ARMC8: variants seen among roughly 807,000 people sequenced by gnomAD.
ARMC8 encodes the protein armadillo repeat-containing protein 8.
A neutral mutation model predicts 99.3 loss-of-function variants in ARMC8; 20 were observed. That is an observed-to-expected ratio of 0.20 (90% CI 0.14 to 0.29). ARMC8 has a LOEUF of 0.29. ARMC8 is among the 10% of genes least tolerant of loss of function. The probability of loss-of-function intolerance (pLI) is 1.00; values close to 1 mark genes in which losing one functional copy is unlikely to be tolerated. For synonymous variants in ARMC8, 263 were observed against 278.3 expected, an observed-to-expected ratio of 0.95 and a Z score of 0.55; for missense variants, 569 against 809.5, an observed-to-expected ratio of 0.70 and a Z score of 3.60.
chr3:138,198,841 T>C lies in ARMC8; in HGVS notation c.46-10976T>C, dbSNP rs188479161. Among the ~76,000 whole-genome samples, 9 of 152,270 alleles carry C rather than the reference T, an allele frequency of 5.9e-5. No homozygotes were observed. In the East Asian group the frequency reaches 1.2e-3, roughly 20 times the overall value. Reference sequence around the variant, plus strand: ...AGCCTTATATTTTAGAGTTTTTTTTTCAAATTTGATAAGCACTGATTAATT... The same window carrying C: ...AGCCTTATATTTTAGAGTTTTTTTTCCAAATTTGATAAGCACTGATTAATT... On this transcript the variant is annotated intron_variant, in intron 1 of 21. Transcript: ENST00000469044.
At chr3:138,267,104 C>A in intron 14 of ARMC8, 51 bp from the exon 15 acceptor site, 1 of 918,928 alleles carries the variant, frequency 1.1e-6, no homozygotes, top group Non-Finnish European at 1.6e-6. Context: ...CATTTTATAT[C>A]TCATCTTCAT....
At chr3:138,254,501 CAGG>C (rs2047285460) in intron 12 of ARMC8, among the ~76,000 whole-genome samples, 1 of 152,100 alleles carries the variant, frequency 6.6e-6, no homozygotes, top group African/African-American at 2.4e-5. Flanking sequence ...GGATGGCAAA[CAGG>C]AGGAGACAGA....
At position 138,223,127 on chromosome 3, in the gene ARMC8, A is replaced by G. The variant is rs115902686; in HGVS notation, c.195-262A>G. ...CATGGACTCTGATGACGCTGTTTCT[A>G]CAGAGACTATCTGTGGACAACTTTC... On this transcript the variant is annotated intron_variant, in intron 3 of 21. Transcript: ENST00000469044. 7.2e-3 allele frequency among the ~76,000 whole-genome samples: 1,101 copies of G among 152,324 alleles called. 13 individuals carry two copies. The highest frequency in any genetic ancestry group is 0.025 in the African/African-American group (1,029 of 41,566).
intron 2 of ARMC8, among the ~76,000 whole-genome samples, chr3:138,216,637 A>G (rs1301113235): frequency 3.3e-5 from 5 of 152,360 alleles, no homozygotes; most frequent in Middle Eastern, 3.4e-3. Flanking sequence ...TAAGTTGTTT[A>G]CCATGTTGCC....
intron 14 of ARMC8, 85 bp downstream of exon 14, chr3:138,264,297 G>C (rs1031582923): frequency 2.0e-6 from 2 of 1,006,680 alleles, no homozygotes; most frequent in Non-Finnish European, 3.1e-6. Context: ...CCTGGTCTAG[G>C]AGTATGTCTG....
At chr3:138,264,415 T>C (rs2048059742) in intron 14 of ARMC8, among the ~76,000 whole-genome samples, 1 of 114,618 alleles carries the variant, frequency 8.7e-6, no homozygotes, top group African/African-American at 3.5e-5. Context: ...TTTCTTTCTT[T>C]TTTTTTTTTT....
In ARMC8 at chr3:138,295,884, C is replaced by G; in HGVS notation, c.2014C>G (p.Leu672Val). 1.2e-6 allele frequency: 2 copies of G among 1,613,684 alleles called. No individual in the cohort carries two copies. The highest frequency in any genetic ancestry group is 1.7e-6 in the Non-Finnish European group (2 of 1,179,778). ...GGCAAAGATGGCACTGCAGCAGTAC[C>G]TGGCATGATGGGAGTGCCCCTGGGC... Reference protein sequence around the residue: ...DKAKMALQQYLA With the variant: ...DKAKMALQQYVA The change falls in exon 22 of 22, where the codon CTG (leucine) becomes GTG (valine). Residue 672 changes from leucine (L) to valine (V), a missense_variant. By Grantham distance (32) the Leu-to-Val change is conservative. Around this residue, in one of 2 missense-constraint regions of ARMC8, gnomAD observed 227 missense variants for 417.9 expected, o/e 0.54. Transcript: ENST00000469044.
At chr3:138,201,769 C>T (rs1346920087) in intron 1 of ARMC8, among the ~76,000 whole-genome samples, 1 of 152,116 alleles carries the variant, frequency 6.6e-6, no homozygotes, top group Non-Finnish European at 1.5e-5. Flanking sequence ...TTACCCTTCC[C>T]TTTTTCACCT....
At chr3:138,294,017 A>G (rs900306016) in intron 21 of ARMC8, among the ~76,000 whole-genome samples, 2 of 152,164 alleles carry the variant, frequency 1.3e-5, no homozygotes, top group African/African-American at 4.8e-5. Context: ...TTCTTCTAAA[A>G]AGACTCCTTA....
intron 1 of ARMC8, 121 bp from the exon 2 acceptor site, chr3:138,209,696 A>G (rs929134151): frequency 1.3e-4 from 98 of 771,424 alleles, no homozygotes; most frequent in Non-Finnish European, 1.6e-4. Flanking sequence ...TAAGTATTTC[A>G]TATAAATTTT....
chr3:138,198,373 A>T (rs2043856233), intron 1 of ARMC8, among the ~76,000 whole-genome samples: 1 of 152,030 alleles, frequency 6.6e-6, no homozygotes, highest in South Asian at 2.1e-4. Flanking sequence ...TTTTTTATTG[A>T]GGAAAACTGA....
intron 18 of ARMC8, among the ~76,000 whole-genome samples, chr3:138,279,369 G>A (rs2049644451): frequency 6.6e-6 from 1 of 151,928 alleles, no homozygotes; most frequent in Admixed American, 6.5e-5. Context: ...AGTTTCAAAT[G>A]TTAAACTAAC....
chr3:138,187,672 G>A (rs2043138786), intron 1 of ARMC8, 73 bp downstream of exon 1: 9 of 1,481,992 alleles, frequency 6.1e-6, no homozygotes, highest in Non-Finnish European at 8.2e-6. Flanking sequence ...TCCCCCAAGC[G>A]TGGTGTGCCT....
At chr3:138,278,365 G>A (rs1049985022) in intron 18 of ARMC8, among the ~76,000 whole-genome samples, 1 of 151,890 alleles carries the variant, frequency 6.6e-6, no homozygotes, top group African/African-American at 2.4e-5. Context: ...AATTAGCCAG[G>A]TATGGTCACG....
Position 138,262,698 on chromosome 3 carries a change from C to T in ARMC8, c.1135-1041C>T. 4 of 1,091,684 alleles carry T rather than the reference C, an allele frequency of 3.7e-6. No homozygotes were observed. The South Asian group carries it at 7.4e-5, about 20-fold the overall frequency. 67.6% of individuals were successfully genotyped at this position (1,091,684 alleles called of 1,614,324 possible). A position where few individuals can be genotyped will look rare whatever the true frequency, so the allele number is the denominator to read the frequency against. On this transcript the variant is annotated intron_variant, in intron 12 of 21. Transcript: ENST00000469044. The stretch of plus-strand genomic sequence containing the variant: ...GACATAGGATTAAAAAAAAAAATCT[C>T]CCCAGGTAATTCTTCTGCAAGGACA...
At chr3:138,245,035 T>C (rs2046817829) in intron 11 of ARMC8, 53 bp from the exon 12 acceptor site, 6 of 1,576,462 alleles carry the variant, frequency 3.8e-6, no homozygotes, top group South Asian at 3.5e-5. Context: ...GTTAATGTTA[T>C]TGAAAGTTGA....
intron 2 of ARMC8, among the ~76,000 whole-genome samples, chr3:138,210,124 C>T (rs753487992): frequency 6.6e-6 from 1 of 151,978 alleles, no homozygotes. Flanking sequence ...ATACTTGTTT[C>T]ACATTAAAAA....
At chr3:138,241,247 C>T (rs1456506268) in intron 10 of ARMC8, among the ~76,000 whole-genome samples, 1 of 152,088 alleles carries the variant, frequency 6.6e-6, no homozygotes, top group Non-Finnish European at 1.5e-5. Context: ...TATAGTAGAA[C>T]TGGTGGAATC....
chr3:138,197,008 T>TA (rs1348718409), intron 1 of ARMC8, among the ~76,000 whole-genome samples: 1 of 152,218 alleles, frequency 6.6e-6, no homozygotes, highest in Admixed American at 6.5e-5. Context: ...AGTATGCCAG[T>TA]AATCTCCTAG....
Sources: gnomAD v4.1 joint callset for allele counts (sites outside exome capture counted in the v4.1 genomes callset) on GRCh38, gnomAD v4.1.1 for gene constraint, gnomAD v4.1.1 regional missense constraint, MANE v1.5 for transcripts, NCBI Gene and HGNC (gene_info 2026-07-23, HGNC 2026-07-21) for gene names.